The following TMEM164 variants were observed in gnomAD, a reference collection of about 807,000 sequenced individuals.
The protein encoded by TMEM164 is RP13-360B22.2.
In TMEM164, 4 loss-of-function variants were observed where a neutral mutation model predicts 18.8. The ratio of observed to expected loss-of-function variants is 0.21; its 90% CI spans 0.10 to 0.49. TMEM164 has a LOEUF of 0.49. Among genes scored for constraint, TMEM164 ranks in the 20% least tolerant of loss-of-function variants. The pLI is 0.98. For missense variants in TMEM164, 108 were observed against 239.9 expected (o/e 0.45, Z 3.63); for synonymous variants, 86 against 101.7 (o/e 0.85, Z 0.93).
intron 4 of TMEM164, among the ~76,000 whole-genome samples, chrX:110,127,919 C>A (rs956084311): frequency 6.2e-5 from 7 of 112,454 alleles, no homozygotes; most frequent in Middle Eastern, 4.6e-3. Context: ...ATAAAAGCAG[C>A]CAGGTATGCA....
At chrX:110,146,621 A>G (rs749914352) in intron 5 of TMEM164, among the ~76,000 whole-genome samples, 1 of 111,901 alleles carries the variant, frequency 8.9e-6, no homozygotes, top group African/African-American at 3.2e-5. Flanking sequence ...TTTTTACTCC[A>G]GGACCTCAAT....
chrX:110,121,345 C>G (rs2066446882), intron 4 of TMEM164, among the ~76,000 whole-genome samples: 1 of 112,416 alleles, frequency 8.9e-6, no homozygotes, highest in Admixed American at 9.4e-5. Context: ...ACATTAGCAT[C>G]ATCCCCATTC....
Position 110,110,628 on chromosome X carries a change from C to A in TMEM164, c.507+1482C>A, listed in dbSNP as rs938618039. Among the ~76,000 whole-genome samples the A allele has an allele frequency of 1.4e-4, 16 of 112,188 alleles. No individual in the cohort carries two copies. The Admixed American group carries it at 1.5e-3, about 11-fold the overall frequency. On this transcript the variant is annotated intron_variant, in intron 4 of 6. Transcript: ENST00000372068. Reference sequence around the variant, plus strand: ...GAAACGTAATGTTCATAGCAATCAACTGAAGGGCTTGTTAAACATGAGGCT... The same window carrying A: ...GAAACGTAATGTTCATAGCAATCAAATGAAGGGCTTGTTAAACATGAGGCT...
intron 4 of TMEM164, among the ~76,000 whole-genome samples, chrX:110,112,662 C>T (rs1187413939): frequency 8.9e-6 from 1 of 111,894 alleles, no homozygotes; most frequent in African/African-American, 3.2e-5. Flanking sequence ...ACTGTTATTC[C>T]CAAGATCACA....
At chrX:110,053,672 C>T (rs772875011) in intron 2 of TMEM164, among the ~76,000 whole-genome samples, 1 of 111,630 alleles carries the variant, frequency 9.0e-6, no homozygotes, top group East Asian at 2.8e-4. Flanking sequence ...GGATACCATC[C>T]ATCCCTCCCA....
At chrX:110,009,366 G>A (rs1932898481) in intron 2 of TMEM164, among the ~76,000 whole-genome samples, 1 of 112,422 alleles carries the variant, frequency 8.9e-6, no homozygotes, top group African/African-American at 3.2e-5. Context: ...CCAGCCGTCT[G>A]AATACATGTC....
At chrX:110,034,627 T>G (rs1305548142) in intron 2 of TMEM164, among the ~76,000 whole-genome samples, 1 of 111,406 alleles carries the variant, frequency 9.0e-6, no homozygotes, top group African/African-American at 3.3e-5. Context: ...CTATAGAAAA[T>G]AAAACTAGTT....
intron 2 of TMEM164, among the ~76,000 whole-genome samples, chrX:110,046,795 CT>C (rs1935333259): frequency 8.9e-6 from 1 of 112,317 alleles, no homozygotes; most frequent in Admixed American, 9.4e-5. Flanking sequence ...AGCAACCATT[CT>C]TTGTTCAGGA....
At chrX:110,159,524 A>G (rs1228311425) in intron 5 of TMEM164, among the ~76,000 whole-genome samples, 1 of 110,374 alleles carries the variant, frequency 9.1e-6, no homozygotes, top group Non-Finnish European at 1.9e-5. Flanking sequence ...GAGGTTCAGG[A>G]GGCCACGAGG....
intron 3 of TMEM164, among the ~76,000 whole-genome samples, chrX:110,068,468 A>T (rs1392255502): frequency 8.9e-6 from 1 of 112,376 alleles, no homozygotes; most frequent in Non-Finnish European, 1.9e-5. Flanking sequence ...TATTGGTTCT[A>T]TTTCATTATG....
chrX:110,064,031 A>G (rs1322020335), intron 2 of TMEM164, among the ~76,000 whole-genome samples: 1 of 111,411 alleles, frequency 9.0e-6, no homozygotes, highest in Non-Finnish European at 1.9e-5. Flanking sequence ...AGCTTGTCAG[A>G]ACCTTTTCCC....
chrX:110,123,878 G>A (rs768108720), intron 4 of TMEM164, among the ~76,000 whole-genome samples: 2 of 111,656 alleles, frequency 1.8e-5, no homozygotes, highest in Admixed American at 9.6e-5. Flanking sequence ...TCAGAAGGCC[G>A]ATGTGGGAGG....
At chrX:110,144,553 ACTTT>A (rs765073045) in intron 4 of TMEM164, among the ~76,000 whole-genome samples, 1 of 111,775 alleles carries the variant, frequency 8.9e-6, no homozygotes, top group African/African-American at 3.3e-5. Context: ...TTTTAACCAA[ACTTT>A]CTTAGTGGAG....
chrX:110,026,948 T>C (rs1467052389), intron 2 of TMEM164, among the ~76,000 whole-genome samples: 1 of 112,156 alleles, frequency 8.9e-6, no homozygotes, highest in African/African-American at 3.2e-5. Context: ...TTCTTTGGGT[T>C]CTCTATCTTG....
intron 4 of TMEM164, among the ~76,000 whole-genome samples, chrX:110,138,660 T>G (rs1357336518): frequency 8.9e-6 from 1 of 112,010 alleles, no homozygotes; most frequent in Non-Finnish European, 1.9e-5. Context: ...CTATTCAGGA[T>G]GAGGGAATGA....
At chrX:110,100,418 G>A (rs1279162517) in intron 3 of TMEM164, among the ~76,000 whole-genome samples, 1 of 111,357 alleles carries the variant, frequency 9.0e-6, no homozygotes, top group Admixed American at 9.5e-5. Flanking sequence ...ACTGAATTTT[G>A]ACAAAATACC....
chrX:110,153,696 C>T (rs1171775261), intron 5 of TMEM164, among the ~76,000 whole-genome samples: 3 of 112,150 alleles, frequency 2.7e-5, no homozygotes, highest in East Asian at 5.6e-4. Flanking sequence ...TTAAAGGAAG[C>T]TTGTCTAACC....
intron 3 of TMEM164, among the ~76,000 whole-genome samples, chrX:110,083,307 C>A (rs775562708): frequency 9.0e-6 from 1 of 111,515 alleles, no homozygotes; most frequent in South Asian, 3.7e-4. Context: ...ATTTGAGCAC[C>A]ATTCATCAAA....
intron 5 of TMEM164, among the ~76,000 whole-genome samples, chrX:110,168,851 T>C (rs1172673801): frequency 8.9e-6 from 1 of 112,678 alleles, no homozygotes; most frequent in East Asian, 2.8e-4. Flanking sequence ...GCCCCCATCC[T>C]CTCCACTGAG....
Sources: allele counts gnomAD v4.1 joint callset (sites outside exome capture counted in the v4.1 genomes callset), GRCh38; gene constraint gnomAD v4.1.1; transcripts MANE v1.5; gene names NCBI Gene and HGNC (gene_info 2026-07-23, HGNC 2026-07-21).